SYNE2: variants seen among roughly 807,000 people sequenced by gnomAD.
SYNE2 encodes the protein nesprin-2.
Under a neutral mutation model 856.3 loss-of-function variants are expected in SYNE2, and 431 were observed. That is an observed-to-expected ratio of 0.50 (90% CI 0.47 to 0.55). The LOEUF is 0.55. Ranked by LOEUF, SYNE2 falls within the 20% of genes least tolerant of loss-of-function variation. The pLI is 0.00. For missense variants in SYNE2, 8,129 were observed against 8,023.2 expected (o/e 1.01, Z -0.50); for synonymous variants, 2,923 against 2,872.3 (o/e 1.02, Z -0.56).
intron 63 of SYNE2, chr14:64,099,724 C>T (rs2097705578): frequency 6.6e-6 from 1 of 150,842 alleles, no homozygotes; most frequent in African/African-American, 2.4e-5. Flanking sequence ...AGTACATGTT[C>T]ATCAAGCTGT....
chr14:63,841,568 CA>C (rs1890066076), intron 1 of SYNE2, among the ~76,000 whole-genome samples: 2 of 152,112 alleles, frequency 1.3e-5, no homozygotes, highest in African/African-American at 4.8e-5. Context: ...TAGATATTAC[CA>C]AAATTTTCTC....
At chr14:64,140,178 G>A (rs1347781511) in intron 80 of SYNE2, 105 bp downstream of exon 80, 5 of 1,181,054 alleles carry the variant, frequency 4.2e-6, no homozygotes. Context: ...TTGTGGATAA[G>A]GGGTAAGACT....
Position 64,000,714 on chromosome 14 carries a change from T to C in SYNE2, c.3633T>C (p.Asn1211=), listed in dbSNP as rs2096747464. 4 of 1,611,646 alleles carry C rather than the reference T, an allele frequency of 2.5e-6. No individual in the cohort carries two copies. Among genetic ancestry groups the C allele is most frequent in the Non-Finnish European group, 1.7e-6 (2 of 1,179,156 alleles). The change falls in exon 28 of 116, where the codon AAT becomes AAC. Residue 1211 remains asparagine (N), a synonymous_variant. Transcript: ENST00000555002. ...AAAGAGAGCTTCAGATGACTCTTAA[T>C]ACCAGGTAAAATTCTGAGATCTATT... ...ERERELQMTL[N]TRMESLETAL... is the part of the protein sequence containing the mutation.
intron 70 of SYNE2, among the ~76,000 whole-genome samples, chr14:64,123,772 A>T (rs146259085): frequency 6.6e-6 from 1 of 152,138 alleles, no homozygotes; most frequent in Non-Finnish European, 1.5e-5. Flanking sequence ...CTTGAATTCT[A>T]TTCTAATAGT....
Position 64,177,448 on chromosome 14 carries a change from C to T in SYNE2, c.17521C>T (p.His5841Tyr). The T allele has an allele frequency of 6.2e-7, 1 of 1,614,168 alleles. No homozygotes were observed. The highest frequency in any genetic ancestry group is 8.5e-7 in the Non-Finnish European group (1 of 1,180,012). The change falls in exon 96 of 116, where the codon CAC becomes TAC. Residue 5841 changes from histidine to tyrosine, a missense_variant. His to Tyr is a moderately conservative substitution (Grantham distance 83). Transcript: ENST00000555002. ...AAGTGAAGATCCTCTTCCAGAGCTT[C>T]ACGAGGACCTCCATAACGAAAAAGA... Reference protein sequence around the residue: ...AQSEDPLPELHEDLHNEKELI... With the variant: ...AQSEDPLPELYEDLHNEKELI...
chr14:64,215,536 C>G (rs2098662292), intron 107 of SYNE2, 182 bp downstream of exon 107: 1 of 700,948 alleles, frequency 1.4e-6, no homozygotes, highest in African/African-American at 1.8e-5. Context: ...TTACAAAACC[C>G]CATCCAAGCC....
chr14:63,950,439 C>T (rs2096133576), intron 7 of SYNE2, among the ~76,000 whole-genome samples: 1 of 152,110 alleles, frequency 6.6e-6, no homozygotes, highest in African/African-American at 2.4e-5. Context: ...CCTGTAATCC[C>T]AGCTACTTGG....
In SYNE2 at chr14:63,997,114, T is replaced by C. The variant is rs778561815; in HGVS notation, c.3108T>C (p.Ile1036=). Residue 1036 remains isoleucine, a synonymous_variant, in exon 24 of 116, where the codon ATT becomes ATC. Coordinates refer to ENST00000555002, the MANE Select transcript of SYNE2 (RefSeq NM_182914.3). ...GACTTCTGAAATGTGCTTCCGAGAT[T>C]CATATGACACTGCAGCCCACAGCGG... The part of the protein sequence containing the change: ...IERLLKCASE[I]HMTLQPTAGG... 6.2e-7 allele frequency: 1 copy of C among 1,614,142 alleles called. No homozygotes were observed. Among genetic ancestry groups the C allele is most frequent in the South Asian group, 1.1e-5 (1 of 91,082 alleles).
intron 1 of SYNE2, among the ~76,000 whole-genome samples, chr14:63,835,461 G>A (rs1421462743): frequency 1.3e-5 from 2 of 151,940 alleles, no homozygotes; most frequent in Non-Finnish European, 2.9e-5. Flanking sequence ...TCAAACTCCT[G>A]ACCTCAAGTG....
chr14:64,223,179 C>T lies in SYNE2; in HGVS notation c.20191-10C>T. 1 of 1,613,284 alleles carries T rather than the reference C, an allele frequency of 6.2e-7. No homozygotes were observed. ...CAGGTCACTGTTTCACACACTTTAT[C>T]TGTTTTCAGCAACTGGAAAAGGAGC... is the stretch of plus-strand genomic sequence containing the variant. On this transcript the variant is annotated splice_polypyrimidine_tract_variant and intron_variant, in intron 112 of 115. Transcript: ENST00000555002.
chr14:64,019,787 T>C (rs1463641230), intron 34 of SYNE2, among the ~76,000 whole-genome samples: 1 of 152,202 alleles, frequency 6.6e-6, no homozygotes, highest in Non-Finnish European at 1.5e-5. Flanking sequence ...TCTTGTCTTA[T>C]ACCTAGAAAG....
chr14:64,087,578 G>A (rs2097573619), intron 57 of SYNE2, 93 bp from the exon 58 acceptor site: 1 of 1,362,910 alleles, frequency 7.3e-7, no homozygotes, highest in South Asian at 1.2e-5. Context: ...AAAATGTTGA[G>A]ATAACTTTCA....
chr14:63,825,171 A>G (rs947532770), intron 1 of SYNE2, among the ~76,000 whole-genome samples: 2 of 152,214 alleles, frequency 1.3e-5, no homozygotes. Flanking sequence ...TTACACTAAC[A>G]TACTGTATGA....
rs200625889 is a variant in SYNE2, at chr14:64,129,914, A to G, written c.14139+13A>G. Reference sequence around the variant, plus strand: ...TTACAAATTAGAGGTATGCCTGAGCAGAAAACATTGACTCAGCACTGTGAT... The same window carrying G: ...TTACAAATTAGAGGTATGCCTGAGCGGAAAACATTGACTCAGCACTGTGAT... On this transcript the variant is annotated intron_variant, in intron 75 of 115. Coordinates refer to ENST00000555002, the MANE Select transcript of SYNE2 (RefSeq NM_182914.3). The G allele has an allele frequency of 1.2e-6, 2 of 1,614,184 alleles. No individual in the cohort carries two copies. The highest frequency in any genetic ancestry group is 1.7e-6 in the Non-Finnish European group (2 of 1,180,038).
chr14:64,122,703 A>G (rs2097907321), intron 70 of SYNE2, among the ~76,000 whole-genome samples: 1 of 152,206 alleles, frequency 6.6e-6, no homozygotes, highest in Non-Finnish European at 1.5e-5. Flanking sequence ...GAAGAAAGAC[A>G]GATCATGTCT....
intron 7 of SYNE2, among the ~76,000 whole-genome samples, chr14:63,951,014 T>TC (rs2096147413): frequency 6.6e-6 from 1 of 152,054 alleles, no homozygotes; most frequent in Admixed American, 6.6e-5. Flanking sequence ...TCATATCTTT[T>TC]TTTTTTTTTA....
At chr14:63,814,959 TC>T (rs1222767097) in intron 1 of SYNE2, among the ~76,000 whole-genome samples, 1 of 142,138 alleles carries the variant, frequency 7.0e-6, no homozygotes, top group African/African-American at 2.5e-5. Context: ...TCCATATATA[TC>T]CATATATATC....
intron 99 of SYNE2, among the ~76,000 whole-genome samples, chr14:64,197,692 G>A (rs2098546218): frequency 6.6e-6 from 1 of 152,204 alleles, no homozygotes; most frequent in South Asian, 2.1e-4. Flanking sequence ...GAGCACAGAG[G>A]ATAGGACTAA....
intron 30 of SYNE2, among the ~76,000 whole-genome samples, chr14:64,006,489 A>T (rs1429764878): frequency 6.6e-6 from 1 of 152,040 alleles, no homozygotes; most frequent in African/African-American, 2.4e-5. Flanking sequence ...GTTAATGCTA[A>T]TGTTTTTGTA....
Sources: allele counts gnomAD v4.1 joint callset (sites outside exome capture counted in the v4.1 genomes callset), GRCh38; gene constraint gnomAD v4.1.1; transcripts MANE v1.5; gene names NCBI Gene and HGNC (gene_info 2026-07-23, HGNC 2026-07-21).